Variants in DCDC1 observed in about 807,000 individuals in gnomAD.
DCDC1 encodes the protein doublecortin domain-containing protein 1.
Under a neutral mutation model 178.3 loss-of-function variants are expected in DCDC1, and 200 were observed. That is an observed-to-expected ratio of 1.12 (90% CI 1.00 to 1.26). DCDC1 has a LOEUF of 1.26. DCDC1 is among the 50% of genes most tolerant of loss of function. The pLI, the probability that DCDC1 is intolerant of heterozygous loss-of-function variation, is 0.00. For missense variants in DCDC1, 1,983 were observed against 1,749.2 expected (o/e 1.13, Z -2.38); for synonymous variants, 690 against 604.8 (o/e 1.14, Z -2.07).
chr11:30,894,201 C>T, intron 35 of DCDC1, 47 bp downstream of exon 35: 1 of 1,581,668 alleles, frequency 6.3e-7, no homozygotes, highest in African/African-American at 1.4e-5. Flanking sequence ...TTTAAATACT[C>T]ATAAAAAGGG....
intron 17 of DCDC1, among the ~76,000 whole-genome samples, chr11:31,084,272 A>G (rs900888513): frequency 3.3e-5 from 5 of 152,104 alleles, no homozygotes; most frequent in African/African-American, 1.2e-4. Context: ...GTCTTGATTC[A>G]CAGCTTTTGT....
intron 36 of DCDC1, among the ~76,000 whole-genome samples, chr11:30,889,522 C>T (rs188483909): frequency 1.6e-4 from 24 of 152,316 alleles, no homozygotes; most frequent in African/African-American, 2.4e-4. Flanking sequence ...ATTAGCCAGA[C>T]ACCCCCAGTG....
chr11:31,313,137 T>A (rs1177362492), intron 3 of DCDC1, among the ~76,000 whole-genome samples: 2 of 152,316 alleles, frequency 1.3e-5, no homozygotes, highest in East Asian at 3.9e-4. Flanking sequence ...GTTTTACCTA[T>A]CTGTTCTATG....
chr11:31,307,258 A>G (rs534198511), intron 4 of DCDC1, among the ~76,000 whole-genome samples: 35 of 152,338 alleles, frequency 2.3e-4, no homozygotes, highest in African/African-American at 7.9e-4. Flanking sequence ...ATGTGAAAAC[A>G]TATTTACAAA....
intron 15 of DCDC1, among the ~76,000 whole-genome samples, chr11:31,096,816 A>T (rs1319581174): frequency 6.6e-6 from 1 of 152,154 alleles, no homozygotes; most frequent in Non-Finnish European, 1.5e-5. Context: ...TTAGCTTTAG[A>T]CCAAACGAGG....
chr11:30,869,962 A>G (rs1399515608), intron 38 of DCDC1, among the ~76,000 whole-genome samples: 1 of 152,152 alleles, frequency 6.6e-6, no homozygotes, highest in Non-Finnish European at 1.5e-5. Flanking sequence ...ATTCGATAGA[A>G]GCAAGGCTCT....
At chr11:31,361,127 AACTTTT>A (rs768858159) in intron 1 of DCDC1, among the ~76,000 whole-genome samples, 188 of 152,348 alleles carry the variant, frequency 1.2e-3, no homozygotes, top group Non-Finnish European at 2.3e-3. Flanking sequence ...GTGAAGGCCT[AACTTTT>A]ACTTTAAGTA....
intron 20 of DCDC1, among the ~76,000 whole-genome samples, chr11:30,980,557 T>C (rs1261553405): frequency 6.6e-6 from 1 of 152,148 alleles, no homozygotes; most frequent in Non-Finnish European, 1.5e-5. Flanking sequence ...TGGAAGCCCA[T>C]TGTGGTGTTG....
intron 9 of DCDC1, among the ~76,000 whole-genome samples, chr11:31,138,625 A>G (rs2136006419): frequency 6.6e-6 from 1 of 152,312 alleles, no homozygotes; most frequent in South Asian, 2.1e-4. Context: ...TGAGGATTGG[A>G]GTAAAAATGA....
At chr11:31,043,466 ATTTTCCATGTAGGAAAATTT>A (rs1296530844) in intron 20 of DCDC1, among the ~76,000 whole-genome samples, 1 of 152,048 alleles carries the variant, frequency 6.6e-6, no homozygotes, top group Non-Finnish European at 1.5e-5. Flanking sequence ...TGGAAAAGCC[ATTTTCCATGTAGGAAAATTT>A]TTTTCCCTAA....
intron 9 of DCDC1, among the ~76,000 whole-genome samples, chr11:31,208,904 A>C (rs1972172755): frequency 6.6e-6 from 1 of 152,158 alleles, no homozygotes; most frequent in African/African-American, 2.4e-5. Flanking sequence ...GTCCTATTTC[A>C]TGTTCTTGAT....
rs182136253 is a variant in DCDC1 at position 31,277,058 on chromosome 11, G to A, written c.961-11458C>T. 8.2e-4 allele frequency among the ~76,000 whole-genome samples: 125 copies of A among 152,132 alleles called. 1 individual carries two copies. Among genetic ancestry groups the A allele is most frequent in the African/African-American group, 2.8e-3 (117 of 41,512 alleles). On this transcript the variant is annotated intron_variant, in intron 7 of 38. Coordinates refer to ENST00000684477, the MANE Select transcript of DCDC1 (RefSeq NM_001387274.1). ...GATGCAGGTAGAACAATGTATATCC[G>A]TATGTAACTACCACAGTGAATATAT... is the stretch of plus-strand genomic sequence containing the variant.
chr11:31,160,560 C>T (rs887628189), intron 9 of DCDC1, among the ~76,000 whole-genome samples: 1 of 152,010 alleles, frequency 6.6e-6, no homozygotes, highest in South Asian at 2.1e-4. Context: ...TAAAAGAGTA[C>T]TCCTGATTTT....
intron 20 of DCDC1, among the ~76,000 whole-genome samples, chr11:31,055,141 G>GA (rs777822349): frequency 6.6e-6 from 1 of 151,660 alleles, no homozygotes; most frequent in Non-Finnish European, 1.5e-5. Context: ...ACATCAGTAA[G>GA]AAAAAAACAA....
At position 30,942,894 on chromosome 11, in the gene DCDC1, C is replaced by A. The variant is rs557850398; in HGVS notation, c.2715+9551G>T. ...CTTTACAAATGTTAACTACTACTGT[C>A]GGTTCTTCCTTTAAGCTGCTTTAAT... On this transcript the variant is annotated intron_variant, in intron 21 of 38. Coordinates refer to ENST00000684477, the MANE Select transcript of DCDC1 (RefSeq NM_001387274.1). Among the ~76,000 whole-genome samples, 6 of 152,322 alleles carry A rather than the reference C, an allele frequency of 3.9e-5. No homozygotes were observed. The South Asian group carries it at 1.0e-3, about 26-fold the overall frequency.
At chr11:31,341,661 A>C (rs758492364) in intron 1 of DCDC1, among the ~76,000 whole-genome samples, 14 of 152,144 alleles carry the variant, frequency 9.2e-5, no homozygotes, top group Non-Finnish European at 1.3e-4. Context: ...TGTGTATCTA[A>C]ACATAGAAAA....
chr11:31,041,667 C>T (rs971852858), intron 20 of DCDC1, among the ~76,000 whole-genome samples: 3 of 152,090 alleles, frequency 2.0e-5, no homozygotes, highest in African/African-American at 4.8e-5. Context: ...TCTCACTTAA[C>T]CATCACAACT....
intron 7 of DCDC1, among the ~76,000 whole-genome samples, chr11:31,283,314 G>A (rs1337431414): frequency 1.3e-5 from 2 of 151,584 alleles, no homozygotes; most frequent in African/African-American, 4.8e-5. Context: ...GCCCTGTCTT[G>A]AAGTTCACGG....
chr11:31,214,904 T>C (rs1182934941), intron 9 of DCDC1, among the ~76,000 whole-genome samples: 3 of 151,762 alleles, frequency 2.0e-5, no homozygotes. Flanking sequence ...TATAAAAACT[T>C]CCATAATTAA....
Sources: allele counts gnomAD v4.1 joint callset (sites outside exome capture counted in the v4.1 genomes callset), GRCh38; gene constraint gnomAD v4.1.1; transcripts MANE v1.5; gene names NCBI Gene and HGNC (gene_info 2026-07-23, HGNC 2026-07-21).